The following ABCC9 variants were observed in gnomAD, a reference collection of about 807,000 sequenced individuals.
The protein encoded by ABCC9 is ATP-binding cassette sub-family C member 9.
ABCC9 carries 95 observed loss-of-function variants against 188.3 expected under a neutral mutation model. The observed-to-expected ratio is 0.50, with a 90% confidence interval of 0.43 to 0.60. ABCC9 has a LOEUF of 0.60. ABCC9 is among the 20% of genes least tolerant of loss of function. The probability of loss-of-function intolerance (pLI) is 0.00; values close to 1 mark genes in which losing one functional copy is unlikely to be tolerated. For missense variants in ABCC9, 1,102 were observed against 1,876.3 expected, an observed-to-expected ratio of 0.59 and a Z score of 7.62; for synonymous variants, 659 against 652.7, an observed-to-expected ratio of 1.01 and a Z score of -0.15.
intron 12 of ABCC9, among the ~76,000 whole-genome samples, chr12:21,901,000 T>G (rs1291447276): frequency 1.3e-5 from 2 of 152,006 alleles, no homozygotes; most frequent in Non-Finnish European, 2.9e-5. Flanking sequence ...GACACATAAT[T>G]GTCAGATTCA....
intron 5 of ABCC9, among the ~76,000 whole-genome samples, chr12:21,919,908 CTA>C (rs757194015): frequency 1.6e-4 from 24 of 151,996 alleles, no homozygotes; most frequent in Non-Finnish European, 2.5e-4. Context: ...TATATTATGA[CTA>C]TGTGTGGTTC....
At chr12:21,818,106 G>T in intron 32 of ABCC9, 44 bp downstream of exon 32, 1 of 1,356,616 alleles carries the variant, frequency 7.4e-7, no homozygotes, top group South Asian at 1.2e-5. Flanking sequence ...GAGAACATGC[G>T]GTGTTTGGTT....
rs1200928440 is a variant in ABCC9 at position 21,798,172 on chromosome 12, T to C, written c.*2872A>G. 2.0e-5 allele frequency: 3 copies of C among 152,198 alleles called. No individual in the cohort carries two copies. Among genetic ancestry groups the C allele is most frequent in the Non-Finnish European group, 4.4e-5 (3 of 68,026 alleles). 9.4% of individuals were successfully genotyped at this position (152,198 alleles called of 1,614,324 possible). A position where few individuals can be genotyped will look rare whatever the true frequency, so the allele number is the denominator to read the frequency against. On this transcript the variant is annotated 3_prime_UTR_variant, in exon 40 of 40. Transcript: ENST00000261200. ...AGAATGGTGAATGTGATCTTTAGTTTAGTGTAACTAGATAGGCTTCTACTG... is the reference window on the plus strand; with the variant it reads ...AGAATGGTGAATGTGATCTTTAGTTCAGTGTAACTAGATAGGCTTCTACTG...
intron 30 of ABCC9, chr12:21,830,974 TTATCTATCTATCTATC>T (rs3983520): frequency 4.7e-5 from 7 of 147,376 alleles, no homozygotes; most frequent in African/African-American, 1.8e-4. Flanking sequence ...ACCATAAAGA[TTATCTATCTATCTATC>T]TATCTATCTA....
chr12:21,892,578 A>G (rs1211728739), intron 14 of ABCC9, among the ~76,000 whole-genome samples: 1 of 152,186 alleles, frequency 6.6e-6, no homozygotes, highest in East Asian at 1.9e-4. Context: ...AAGGCAGAAC[A>G]ATAAGAAAAT....
chr12:21,844,626 T>C (rs1025061861), intron 27 of ABCC9, 74 bp from the exon 28 acceptor site: 3 of 1,551,382 alleles, frequency 1.9e-6, no homozygotes, highest in African/African-American at 2.7e-5. Flanking sequence ...ATGGGCATCT[T>C]AGTGTCATGA....
In ABCC9 at chr12:21,890,307, C is replaced by T. The variant is rs369808740; in HGVS notation, c.1803-2373G>A. Among the ~76,000 whole-genome samples, 101 of 152,216 alleles carry T rather than the reference C, an allele frequency of 6.6e-4. 2 individuals are homozygous for T. In the South Asian group the frequency reaches 0.02, roughly 31 times the overall value. On this transcript the variant is annotated intron_variant, in intron 14 of 39. Coordinates refer to ENST00000261200, the MANE Select transcript of ABCC9 (RefSeq NM_020297.4). ...GGTTGCCTTTCAGCATCTTTAGCAT[C>T]GTCTAAAAGCTGCTCAGGAGTTTAC...
intron 21 of ABCC9, among the ~76,000 whole-genome samples, chr12:21,860,194 G>A (rs1945434216): frequency 6.6e-6 from 1 of 152,128 alleles, no homozygotes; most frequent in African/African-American, 2.4e-5. Context: ...ATTCCAAGAT[G>A]TAGGTATTGT....
At chr12:21,846,488 G>A (rs1481838420) in intron 25 of ABCC9, among the ~76,000 whole-genome samples, 3 of 152,066 alleles carry the variant, frequency 2.0e-5, no homozygotes. Context: ...TTTTCCAAAG[G>A]AACTTTATTC....
At position 21,798,913 on chromosome 12, in the gene ABCC9, A is replaced by C. The variant is rs1228377918; in HGVS notation, c.*2131T>G. ...ACATATACACCATGGAATACTATGC[A>C]GCCATACAAAATGATGAGTTCATGT... On this transcript the variant is annotated 3_prime_UTR_variant, in exon 40 of 40. Transcript: ENST00000261200. The C allele has an allele frequency of 6.6e-6, 1 of 150,730 alleles. No individual in the cohort carries two copies. The highest frequency in any genetic ancestry group is 1.5e-5 in the Non-Finnish European group (1 of 67,828). The allele number at this position is 150,730 out of a possible 1,614,324, so 9.3% of individuals were successfully genotyped here.
At chr12:21,853,437 G>C (rs1349271239) in intron 22 of ABCC9, among the ~76,000 whole-genome samples, 1 of 151,956 alleles carries the variant, frequency 6.6e-6, no homozygotes, top group Non-Finnish European at 1.5e-5. Context: ...GTATGGTAGT[G>C]GGTATATAAT....
chr12:21,908,047 G>C (rs1485264938), intron 11 of ABCC9, 30 bp downstream of exon 11: 18 of 1,607,304 alleles, frequency 1.1e-5, no homozygotes, highest in Non-Finnish European at 1.3e-5. Context: ...TCTCATTTTT[G>C]TAATTAAGTT....
chr12:21,894,211 A>G, intron 13 of ABCC9, 37 bp from the exon 14 acceptor site: 1 of 1,612,422 alleles, frequency 6.2e-7, no homozygotes, highest in Non-Finnish European at 8.5e-7. Context: ...GAAAGCTGGA[A>G]AAAGTGTCAC....
chr12:21,889,488 A>G (rs1425852487), intron 14 of ABCC9, among the ~76,000 whole-genome samples: 1 of 152,126 alleles, frequency 6.6e-6, no homozygotes, highest in Non-Finnish European at 1.5e-5. Flanking sequence ...ATCTCACACT[A>G]TGTCTCTGCA....
At chr12:21,864,162 C>A (rs1209559873) in intron 19 of ABCC9, among the ~76,000 whole-genome samples, 1 of 151,848 alleles carries the variant, frequency 6.6e-6, no homozygotes, top group African/African-American at 2.4e-5. Flanking sequence ...TTATGAAATC[C>A]CAAACCCAGT....
chr12:21,915,227 G>A (rs139975827), intron 7 of ABCC9, among the ~76,000 whole-genome samples: 35,672 of 84,114 alleles, frequency 0.42, 4,817 homozygotes, highest in Admixed American at 0.47. Flanking sequence ...ATATATATAT[G>A]TGTGTGTGTG....
At chr12:21,916,031 C>T in intron 6 of ABCC9, 121 bp from the exon 7 acceptor site, 1 of 903,038 alleles carries the variant, frequency 1.1e-6, no homozygotes, top group Non-Finnish European at 1.7e-6. Context: ...ATTTTAATGC[C>T]TCCTTCCATC....
rs1592006060 is a variant in ABCC9 at position 21,829,350 on chromosome 12, C to T, written c.3567-290G>A. Among the ~76,000 whole-genome samples the T allele has an allele frequency of 4.0e-5, 6 of 151,814 alleles. 1 individual carries two copies. The South Asian group carries it at 1.2e-3, about 32-fold the overall frequency. ...CTGAGTAGCTGGGACTACAGGCACC[C>T]GCCACCATGCCCGGCTAATTTTTTG... On this transcript the variant is annotated intron_variant, in intron 30 of 39. Coordinates refer to ENST00000261200, the MANE Select transcript of ABCC9 (RefSeq NM_020297.4).
intron 26 of ABCC9, 34 bp from the exon 27 acceptor site, chr12:21,844,949 A>T (rs1049791933): frequency 1.9e-6 from 3 of 1,611,070 alleles, no homozygotes; most frequent in Non-Finnish European, 2.5e-6. Context: ...GCACATAGGA[A>T]ATTATCAATG....
Sources: allele counts gnomAD v4.1 joint callset (sites outside exome capture counted in the v4.1 genomes callset), GRCh38; gene constraint gnomAD v4.1.1; transcripts MANE v1.5; gene names NCBI Gene and HGNC (gene_info 2026-07-23, HGNC 2026-07-21).